NKD1: variants seen among roughly 807,000 people sequenced by gnomAD.
NKD1 encodes protein naked cuticle homolog 1.
A neutral mutation model predicts 56.0 loss-of-function variants in NKD1; 21 were observed. That is an observed-to-expected ratio of 0.38 (90% confidence interval 0.27 to 0.54). The LOEUF (loss-of-function observed/expected upper bound fraction) is 0.54, where lower values mean the gene tolerates loss of function less well. Among genes scored for constraint, NKD1 ranks in the 20% least tolerant of loss-of-function variants. The probability of loss-of-function intolerance (pLI) is 0.82; values close to 1 mark genes in which losing one functional copy is unlikely to be tolerated. For missense variants in NKD1, 578 were observed against 642.7 expected, an observed-to-expected ratio of 0.90 and a Z score of 1.09; for synonymous variants, 263 against 265.7, an observed-to-expected ratio of 0.99 and a Z score of 0.10.
chr16:50,550,619 G>T (rs1162266898), intron 3 of NKD1, among the ~76,000 whole-genome samples: 1 of 152,016 alleles, frequency 6.6e-6, no homozygotes, highest in Non-Finnish European at 1.5e-5. Context: ...CTTAGCTGGG[G>T]GCTTCTCTGT....
At position 50,635,888 on chromosome 16, in the gene NKD1, GGAAC is replaced by G. The variant is rs1962455692; in HGVS notation, c.*2108_*2111del. 1 of 152,236 alleles carries G rather than the reference GGAAC, an allele frequency of 6.6e-6. No individual in the cohort carries two copies. Among genetic ancestry groups the G allele is most frequent in the African/African-American group, 2.4e-5 (1 of 41,444 alleles). The allele number at this position is 152,236 out of a possible 1,614,324, so 9.4% of individuals were successfully genotyped here. ...TGAAACCAAGTTGGAAGGCAGGGAG[GGAAC>G]TGGCTTTGAGATGACAGGGTCCAGG... On this transcript the variant is annotated 3_prime_UTR_variant, in exon 10 of 10. Transcript: ENST00000268459. The surrounding 1 kb of genome is among the most constrained non-coding windows in gnomAD (Gnocchi z 4.1).
chr16:50,606,529 G>C (rs1426424112), intron 3 of NKD1: 2 of 334,836 alleles, frequency 6.0e-6, no homozygotes, highest in Non-Finnish European at 1.2e-5. Context: ...TCCGAGCAGG[G>C]AGTGCTGAAG....
At chr16:50,617,780 C>T (rs769499245) in intron 4 of NKD1, among the ~76,000 whole-genome samples, 1 of 152,198 alleles carries the variant, frequency 6.6e-6, no homozygotes, top group Non-Finnish European at 1.5e-5. Flanking sequence ...AGGTTGTGTA[C>T]TGCACAAGGA....
At chr16:50,630,414 G>A (rs1441764940) in intron 7 of NKD1, 81 bp downstream of exon 7, 1 of 1,493,294 alleles carries the variant, frequency 6.7e-7, no homozygotes, top group East Asian at 2.3e-5. Context: ...AGGGCCGGAA[G>A]GGAACCTGTG....
At chr16:50,609,051 C>T (rs1187239855) in intron 4 of NKD1, among the ~76,000 whole-genome samples, 1 of 152,252 alleles carries the variant, frequency 6.6e-6, no homozygotes, top group African/African-American at 2.4e-5. Context: ...TCTTGAACTT[C>T]TGGCCTCGAG....
intron 6 of NKD1, among the ~76,000 whole-genome samples, chr16:50,628,898 A>G (rs1962280796): frequency 6.6e-6 from 1 of 151,434 alleles, no homozygotes; most frequent in African/African-American, 2.4e-5. Flanking sequence ...TGGCTTGCAG[A>G]CGGCCACCTT....
intron 3 of NKD1, chr16:50,566,028 T>A: frequency 3.4e-6 from 1 of 297,738 alleles, no homozygotes; most frequent in Non-Finnish European, 5.0e-6. Flanking sequence ...CCTGATATGA[T>A]CACCAGGTGT....
chr16:50,565,965 T>G (rs1307093199), intron 3 of NKD1, among the ~76,000 whole-genome samples: 1 of 152,190 alleles, frequency 6.6e-6, no homozygotes, highest in African/African-American at 2.4e-5. Flanking sequence ...AGAGCAACAG[T>G]GTGCATTTCT....
intron 3 of NKD1, among the ~76,000 whole-genome samples, chr16:50,592,834 C>A (rs546237868): frequency 6.6e-6 from 1 of 151,964 alleles, no homozygotes; most frequent in Admixed American, 6.6e-5. Context: ...AGTGCAGAAG[C>A]GGGTGGAGAC....
rs575946710 is a variant in NKD1, at chr16:50,548,817, C to A, written c.58+68C>A. ...GACACCGCGGCCGCGGCAGAACGGC[C>A]CAGCCCGCCAGGTCTTATGACCAGG... On this transcript the variant is annotated intron_variant, in intron 2 of 9. Transcript: ENST00000268459. 393 of 1,330,070 alleles carry A rather than the reference C, an allele frequency of 3.0e-4. 1 individual carries two copies. Among genetic ancestry groups the A allele is most frequent in the South Asian group, 1.1e-3 (57 of 50,872 alleles). The allele number at this position is 1,330,070 out of a possible 1,614,324, so 82.4% of individuals were successfully genotyped here.
intron 3 of NKD1, among the ~76,000 whole-genome samples, chr16:50,591,014 A>G (rs1961354912): frequency 6.6e-6 from 1 of 150,944 alleles, no homozygotes; most frequent in East Asian, 1.9e-4. Flanking sequence ...GTAGAGACGG[A>G]GTTTAACCTT....
chr16:50,580,452 G>T (rs145663699), intron 3 of NKD1, among the ~76,000 whole-genome samples: 1 of 152,230 alleles, frequency 6.6e-6, no homozygotes, highest in Non-Finnish European at 1.5e-5. Flanking sequence ...CAGTACACAC[G>T]CTCAGTGAAT....
At chr16:50,622,898 G>A (rs1293009825) in intron 5 of NKD1, among the ~76,000 whole-genome samples, 1 of 152,144 alleles carries the variant, frequency 6.6e-6, no homozygotes, top group Non-Finnish European at 1.5e-5. Context: ...CTGGGAGCCT[G>A]GAGTGGGGTC....
chr16:50,557,451 G>A (rs1960527943), intron 3 of NKD1: 1 of 152,208 alleles, frequency 6.6e-6, no homozygotes, highest in Non-Finnish European at 1.5e-5. Flanking sequence ...GAATCTCATT[G>A]CATTGGTTAG....
intron 4 of NKD1, among the ~76,000 whole-genome samples, chr16:50,612,822 C>T (rs560051511): frequency 1.8e-4 from 27 of 152,092 alleles, no homozygotes; most frequent in Non-Finnish European, 2.6e-4. Context: ...CCTTAGGTTG[C>T]GTGGTTCTGC....
chr16:50,581,253 A>T (rs1281159442), intron 3 of NKD1, among the ~76,000 whole-genome samples: 2 of 152,220 alleles, frequency 1.3e-5, no homozygotes, highest in Non-Finnish European at 2.9e-5. Flanking sequence ...GTTGTGAAAC[A>T]ATTGCTGCAA....
At chr16:50,631,025 C>G in intron 8 of NKD1, 115 bp downstream of exon 8, 1 of 661,794 alleles carries the variant, frequency 1.5e-6, no homozygotes, top group South Asian at 2.1e-5. Context: ...GGAGCCAACA[C>G]TTTTGATGCA....
At chr16:50,549,297 C>A in intron 2 of NKD1, 125 bp from the exon 3 acceptor site, 1 of 1,249,822 alleles carries the variant, frequency 8.0e-7, no homozygotes, top group South Asian at 1.5e-5. Flanking sequence ...CCCCAGCCCG[C>A]GAACCCCCTC....
At chr16:50,555,807 C>T (rs116934524) in intron 3 of NKD1, 1 of 152,354 alleles carries the variant, frequency 6.6e-6, no homozygotes, top group Non-Finnish European at 1.5e-5. Context: ...CACTTTTGGA[C>T]TTTTCACATC....
Sources: gnomAD v4.1 joint callset for allele counts (sites outside exome capture counted in the v4.1 genomes callset) on GRCh38, gnomAD v4.1.1 for gene constraint, Gnocchi (gnomAD v3.1) non-coding constraint, MANE v1.5 for transcripts, NCBI Gene and HGNC (gene_info 2026-07-23, HGNC 2026-07-21) for gene names.